The following MACROD2 variants were observed in gnomAD, a reference collection of about 807,000 sequenced individuals.
MACROD2 encodes the protein ADP-ribose glycohydrolase MACROD2.
MACROD2 carries 36 observed loss-of-function variants against 70.4 expected under a neutral mutation model. The observed-to-expected ratio is 0.51, with a 90% confidence interval of 0.39 to 0.68. MACROD2 has a LOEUF of 0.68. MACROD2 is among the 30% of genes least tolerant of loss of function. MACROD2 has a pLI of 0.00. For synonymous variants in MACROD2, 172 were observed against 178.8 expected (o/e 0.96, Z 0.30); for missense variants, 496 against 538.4 (o/e 0.92, Z 0.78).
chr20:15,537,007 A>T (rs1017749257), intron 8 of MACROD2, among the ~76,000 whole-genome samples: 1 of 152,122 alleles, frequency 6.6e-6, no homozygotes, highest in Admixed American at 6.5e-5. Context: ...TGAGATGCTC[A>T]AAGGCCACTG....
intron 8 of MACROD2, among the ~76,000 whole-genome samples, chr20:15,670,463 C>A (rs1393261279): frequency 6.6e-6 from 1 of 152,216 alleles, no homozygotes; most frequent in Non-Finnish European, 1.5e-5. Context: ...TTAAAGTCAT[C>A]TTTGCTTTTA....
intron 3 of MACROD2, among the ~76,000 whole-genome samples, chr20:14,486,435 C>G (rs1246594011): frequency 1.3e-5 from 2 of 151,490 alleles, no homozygotes; most frequent in Non-Finnish European, 2.9e-5. Flanking sequence ...GATCAGCAGC[C>G]TTGGGCAGAG....
chr20:14,512,742 C>T (rs1738730023), intron 4 of MACROD2, among the ~76,000 whole-genome samples: 2 of 152,026 alleles, frequency 1.3e-5, no homozygotes, highest in South Asian at 4.1e-4. Flanking sequence ...TCGTGCCTCA[C>T]ATTATGCAGT....
At position 16,052,266 on chromosome 20, in the gene MACROD2, TCTAA is replaced by T. The variant is rs1253241921; in HGVS notation, c.*2394_*2397del. Reference sequence around the variant, plus strand: ...CAATTCAATAGTGAAATATTAACAATCTAACTATAGCCAGATCAAAGACACCTGA... The same window carrying T: ...CAATTCAATAGTGAAATATTAACAATCTATAGCCAGATCAAAGACACCTGA... On this transcript the variant is annotated 3_prime_UTR_variant, in exon 18 of 18. Coordinates refer to ENST00000684519, the MANE Select transcript of MACROD2 (RefSeq NM_001351661.2). The T allele has an allele frequency of 6.6e-6, 1 of 152,246 alleles. No individual in the cohort carries two copies. The highest frequency in any genetic ancestry group is 2.1e-4 in the South Asian group (1 of 4,834). The allele number at this position is 152,246 out of a possible 1,614,324, so 9.4% of individuals were successfully genotyped here. A position where few individuals can be genotyped will look rare whatever the true frequency, so the allele number is the denominator to read the frequency against.
intron 5 of MACROD2, among the ~76,000 whole-genome samples, chr20:14,962,486 G>T (rs2074592598): frequency 6.7e-6 from 1 of 149,186 alleles, no homozygotes. Flanking sequence ...AGTTATGTTT[G>T]TTTTGTTTCT....
intron 6 of MACROD2, chr20:15,280,949 C>G (rs1268846631): frequency 1.3e-5 from 2 of 152,254 alleles, no homozygotes; most frequent in Non-Finnish European, 1.5e-5. Flanking sequence ...TTAATTAACT[C>G]ATAGTTTTGC....
intron 3 of MACROD2, among the ~76,000 whole-genome samples, chr20:14,402,950 T>A (rs1482460685): frequency 2.6e-5 from 4 of 152,170 alleles, no homozygotes; most frequent in Non-Finnish European, 5.9e-5. Context: ...CTCAAAGGAA[T>A]GTAAATGGCT....
chr20:14,808,906 C>A (rs2122166446), intron 5 of MACROD2, among the ~76,000 whole-genome samples: 1 of 152,134 alleles, frequency 6.6e-6, no homozygotes, highest in African/African-American at 2.4e-5. Context: ...AATATATATG[C>A]ACCCAATACA....
chr20:15,542,296 G>C (rs576994948), intron 8 of MACROD2, among the ~76,000 whole-genome samples: 1 of 152,102 alleles, frequency 6.6e-6, no homozygotes, highest in Non-Finnish European at 1.5e-5. Flanking sequence ...TTACCTTTTA[G>C]GGTTATTGTG....
intron 3 of MACROD2, among the ~76,000 whole-genome samples, chr20:14,472,791 T>C (rs1333368137): frequency 1.3e-5 from 2 of 152,146 alleles, no homozygotes; most frequent in Admixed American, 1.3e-4. Context: ...ATAGCAATCA[T>C]GAAATGATGA....
At chr20:14,195,911 T>C (rs1488211918) in intron 3 of MACROD2, among the ~76,000 whole-genome samples, 1 of 152,182 alleles carries the variant, frequency 6.6e-6, no homozygotes, top group Admixed American at 6.5e-5. Context: ...AACCTCGGGA[T>C]ACAGAAAGCC....
At chr20:15,013,836 C>A (rs1045500108) in intron 5 of MACROD2, among the ~76,000 whole-genome samples, 1 of 152,120 alleles carries the variant, frequency 6.6e-6, no homozygotes, top group Non-Finnish European at 1.5e-5. Context: ...TTTTTCCTGG[C>A]GGTGGAGCTT....
chr20:14,904,624 G>T (rs1274221945), intron 5 of MACROD2, among the ~76,000 whole-genome samples: 1 of 152,070 alleles, frequency 6.6e-6, no homozygotes, highest in Admixed American at 6.5e-5. Flanking sequence ...GGAATCATCT[G>T]TTTTCAGATT....
rs59052053 is a variant in MACROD2 at position 14,071,252 on chromosome 20, GTTTTTT to G, written c.164-14348_164-14343del. Among the ~76,000 whole-genome samples, 306 of 63,902 alleles carry G rather than the reference GTTTTTT, an allele frequency of 4.8e-3. 1 individual carries two copies. The highest frequency in any genetic ancestry group is 9.9e-3 in the East Asian group (18 of 1,812). 41.9% of individuals were successfully genotyped at this position (63,902 alleles called of 152,430 possible). ...GACAGTATTGGCCATTTCATCTTGT[GTTTTTT>G]TTTTTTTTTTTTTTTTTTTTGAGAT... On this transcript the variant is annotated intron_variant, in intron 2 of 17. Coordinates refer to ENST00000684519, the MANE Select transcript of MACROD2 (RefSeq NM_001351661.2).
At chr20:14,885,354 A>G (rs2073660841) in intron 5 of MACROD2, among the ~76,000 whole-genome samples, 2 of 152,136 alleles carry the variant, frequency 1.3e-5, no homozygotes, top group Non-Finnish European at 2.9e-5. Context: ...TTATTGTATC[A>G]TATACATAAA....
chr20:15,470,086 G>A (rs575416823), intron 7 of MACROD2, among the ~76,000 whole-genome samples: 1 of 151,872 alleles, frequency 6.6e-6, no homozygotes, highest in Non-Finnish European at 1.5e-5. Context: ...GTCTTGCTCT[G>A]TCACCCAGAT....
rs2084591615 is a variant in MACROD2 at position 14,476,101 on chromosome 20, TTCTTTTGGAGTTTATTG to T, written c.272-17374_272-17358del. ...CTGCTGAATATATCTGTCTGATATA[TTCTTTTGGAGTTTATTG>T]TCTCACTTTAAAAATTACCAATTAG... On this transcript the variant is annotated intron_variant, in intron 3 of 17. Coordinates refer to ENST00000684519, the MANE Select transcript of MACROD2 (RefSeq NM_001351661.2). Among the ~76,000 whole-genome samples the T allele has an allele frequency of 2.6e-5, 4 of 152,294 alleles. No homozygotes were observed. The South Asian group carries it at 6.2e-4, about 24-fold the overall frequency.
intron 5 of MACROD2, among the ~76,000 whole-genome samples, chr20:14,853,513 GA>G (rs11480776): frequency 6.6e-6 from 1 of 151,402 alleles, no homozygotes; most frequent in Non-Finnish European, 1.5e-5. Flanking sequence ...AAAGTAGGGA[GA>G]AAAAAAATGA....
intron 17 of MACROD2, among the ~76,000 whole-genome samples, chr20:16,047,360 G>A (rs1236848104): frequency 1.3e-5 from 2 of 152,166 alleles, no homozygotes; most frequent in Non-Finnish European, 2.9e-5. Flanking sequence ...GATAGCATAA[G>A]GATACAACAG....
Sources: gnomAD v4.1 joint callset for allele counts (sites outside exome capture counted in the v4.1 genomes callset) on GRCh38, gnomAD v4.1.1 for gene constraint, MANE v1.5 for transcripts, NCBI Gene and HGNC (gene_info 2026-07-23, HGNC 2026-07-21) for gene names.